Variants in TET3 observed in about 807,000 individuals in gnomAD.
The protein encoded by TET3 is tet methylcytosine dioxygenase 3, also known as methylcytosine dioxygenase TET3.
Under a neutral mutation model 141.4 loss-of-function variants are expected in TET3, and 19 were observed. That is an observed-to-expected ratio of 0.13 (90% CI 0.09 to 0.20). The LOEUF (loss-of-function observed/expected upper bound fraction) is 0.20. Among genes scored for constraint, TET3 ranks in the 10% least tolerant of loss-of-function variants. The probability of loss-of-function intolerance (pLI) is 1.00; values close to 1 mark genes in which losing one functional copy is unlikely to be tolerated. For missense variants in TET3, 1,874 were observed against 2,356.9 expected (o/e 0.80, Z 4.24); for synonymous variants, 1,043 against 980.9 (o/e 1.06, Z -1.18).
At chr2:73,987,936 G>C (rs1318524553) in intron 2 of TET3, among the ~76,000 whole-genome samples, 1 of 152,204 alleles carries the variant, frequency 6.6e-6, no homozygotes, top group Non-Finnish European at 1.5e-5. Context: ...TAGGAAGAAA[G>C]ATTCAAGTGT....
chr2:74,039,718 C>T (rs956554345), intron 3 of TET3, among the ~76,000 whole-genome samples: 1 of 152,110 alleles, frequency 6.6e-6, no homozygotes, highest in Non-Finnish European at 1.5e-5. Context: ...CTGGAATCCT[C>T]GAAGGGCTCC....
chr2:74,010,949 C>CT (rs926542493), intron 3 of TET3, among the ~76,000 whole-genome samples: 1 of 152,160 alleles, frequency 6.6e-6, no homozygotes, highest in Non-Finnish European at 1.5e-5. Context: ...TTTTTAAAAA[C>CT]TTTTAAGGCT....
At position 74,048,178 on chromosome 2, in the gene TET3, C is replaced by G. The variant is rs914214058; in HGVS notation, c.2261C>G (p.Pro754Arg). 1.2e-6 allele frequency: 2 copies of G among 1,612,534 alleles called. No homozygotes were observed. Among genetic ancestry groups the G allele is most frequent in the African/African-American group, 1.3e-5 (1 of 74,840 alleles). ...APESPFATRS[P>R]KQIKIESSGA... ...GAGAGCCCCTTTGCTACCCGTTCCCCCAAGCAAATCAAGATTGAGTCTTCG... is the reference window on the plus strand; with the variant it reads ...GAGAGCCCCTTTGCTACCCGTTCCCGCAAGCAAATCAAGATTGAGTCTTCG... Residue 754 changes from proline to arginine, a missense_variant, in exon 4 of 12, where the codon CCC becomes CGC. Coordinates refer to ENST00000409262, the MANE Select transcript of TET3 (RefSeq NM_001287491.2).
rs549670584 is a variant in TET3, at chr2:74,092,886, G to A, written c.3040-16G>A. On this transcript the variant is annotated splice_polypyrimidine_tract_variant and intron_variant, in intron 8 of 11. Transcript: ENST00000409262. The stretch of plus-strand genomic sequence containing the variant: ...GCGGGGCTGCTCTGGATGTGTGACT[G>A]CCCCTCTCTCTGCAGGAAGAAGTGC... 7.0e-6 allele frequency: 11 copies of A among 1,573,856 alleles called. No individual in the cohort carries two copies. Among genetic ancestry groups the A allele is most frequent in the Non-Finnish European group, 9.5e-6 (11 of 1,159,480 alleles).
chr2:74,072,184 A>G (rs1159120748), intron 4 of TET3, among the ~76,000 whole-genome samples: 1 of 152,232 alleles, frequency 6.6e-6, no homozygotes, highest in Non-Finnish European at 1.5e-5. Flanking sequence ...ATGGAATCAT[A>G]CAATGTGTGA....
chr2:74,119,963 C>T, the TET3 span, among the ~76,000 whole-genome samples: 1 of 152,176 alleles, frequency 6.6e-6, no homozygotes, highest in Non-Finnish European at 1.5e-5. Flanking sequence ...AAACTTATTC[C>T]TGTGGCCTTT....
rs71406852 is a variant in TET3, at chr2:74,034,247, G to GTTT, written c.361-12022_361-12020dup. ...TAAAACAAGGTATGGCTGTATTATA[G>GTTT]TTTTTTTTTTTATGTATTACTTGAA... On this transcript the variant is annotated intron_variant, in intron 3 of 11. Transcript: ENST00000409262. 4.9e-3 allele frequency among the ~76,000 whole-genome samples: 712 copies of GTTT among 143,846 alleles called. 4 individuals carry two copies. The highest frequency in any genetic ancestry group is 0.011 in the Middle Eastern group (3 of 274). The allele number at this position is 143,846 out of a possible 152,430, so 94.4% of individuals were successfully genotyped here.
chr2:74,089,195 T>G (rs1290637954), intron 7 of TET3, among the ~76,000 whole-genome samples: 1 of 152,046 alleles, frequency 6.6e-6, no homozygotes, highest in African/African-American at 2.4e-5. Flanking sequence ...TCACCGGTCT[T>G]GTTTCCTGTT....
At chr2:74,015,412 A>T (rs1014343011) in intron 3 of TET3, among the ~76,000 whole-genome samples, 8 of 152,228 alleles carry the variant, frequency 5.3e-5, no homozygotes, top group African/African-American at 1.9e-4. Flanking sequence ...TATAATCACT[A>T]TTAACAATTT....
At chr2:73,989,734 T>A (rs1347433707) in intron 2 of TET3, among the ~76,000 whole-genome samples, 2 of 151,946 alleles carry the variant, frequency 1.3e-5, no homozygotes, top group African/African-American at 4.8e-5. Context: ...TTAGAGGAGG[T>A]TGTTTGATTT....
chr2:74,078,000 C>G (rs1689606972), intron 5 of TET3, among the ~76,000 whole-genome samples: 1 of 152,166 alleles, frequency 6.6e-6, no homozygotes, highest in South Asian at 2.1e-4. Flanking sequence ...CTATATAAAC[C>G]CCTGAGTCCT....
chr2:74,067,078 T>TC (rs1293702943), intron 4 of TET3, among the ~76,000 whole-genome samples: 1 of 151,936 alleles, frequency 6.6e-6, no homozygotes, highest in Non-Finnish European at 1.5e-5. Flanking sequence ...TCACCCACAT[T>TC]CTCATATTCT....
chr2:74,110,129 G>A (rs931444217), downstream of TET3, among the ~76,000 whole-genome samples: 24 of 152,058 alleles, frequency 1.6e-4, no homozygotes, highest in African/African-American at 5.8e-4. Flanking sequence ...GATCACTAAG[G>A]AATCCAAGAC....
At position 74,093,701 on chromosome 2, in the gene TET3, G is replaced by A. The variant is rs565743461; in HGVS notation, c.3267+35G>A. ...TGCCCTGTCATAGCCCCACCTGTGGGGCAACTGTGGGAGGGAGTCCACCGT... is the reference window on the plus strand; with the variant it reads ...TGCCCTGTCATAGCCCCACCTGTGGAGCAACTGTGGGAGGGAGTCCACCGT... On this transcript the variant is annotated intron_variant, in intron 10 of 11. Transcript: ENST00000409262. The surrounding 1 kb of genome is among the most constrained non-coding windows in gnomAD (Gnocchi z 4.2). 2.0e-6 allele frequency: 3 copies of A among 1,531,676 alleles called. No individual in the cohort carries two copies. In the South Asian group the frequency reaches 3.7e-5, roughly 19 times the overall value. 94.9% of individuals were successfully genotyped at this position (1,531,676 alleles called of 1,614,324 possible).
At chr2:74,086,915 T>A (rs1690195595) in intron 6 of TET3, among the ~76,000 whole-genome samples, 1 of 152,136 alleles carries the variant, frequency 6.6e-6, no homozygotes, top group African/African-American at 2.4e-5. Flanking sequence ...ACCTAGTCTA[T>A]TTCCAGAACT....
At chr2:74,044,009 T>A (rs1330659691) in intron 3 of TET3, among the ~76,000 whole-genome samples, 4 of 151,956 alleles carry the variant, frequency 2.6e-5, no homozygotes, top group African/African-American at 9.7e-5. Context: ...TTAAAAAAAA[T>A]AAAAATAAAA....
At chr2:73,990,635 T>C (rs1278353485) in intron 2 of TET3, among the ~76,000 whole-genome samples, 3 of 152,186 alleles carry the variant, frequency 2.0e-5, no homozygotes, top group Admixed American at 2.0e-4. Context: ...GAGAATATTA[T>C]GGGTGAAAAT....
intron 6 of TET3, among the ~76,000 whole-genome samples, chr2:74,086,953 C>T (rs1055622497): frequency 6.6e-6 from 1 of 152,132 alleles, no homozygotes; most frequent in African/African-American, 2.4e-5. Flanking sequence ...TGAAACTCTG[C>T]ACCCATTAAC....
At chr2:74,134,135 G>A in the TET3 span, among the ~76,000 whole-genome samples, 149 of 152,276 alleles carry the variant, frequency 9.8e-4, no homozygotes, top group African/African-American at 3.4e-3. Context: ...CTAATTTTGA[G>A]GTCTCTCCAT....
Sources: allele counts gnomAD v4.1 joint callset (sites outside exome capture counted in the v4.1 genomes callset), GRCh38; gene constraint gnomAD v4.1.1; non-coding constraint Gnocchi (gnomAD v3.1); transcripts MANE v1.5; gene names NCBI Gene and HGNC (gene_info 2026-07-23, HGNC 2026-07-21).